The following MUSK variants were observed in gnomAD, a reference collection of about 807,000 sequenced individuals.
MUSK encodes the protein muscle associated receptor tyrosine kinase.
Under a neutral mutation model 88.7 loss-of-function variants are expected in MUSK, and 55 were observed. The observed-to-expected ratio is 0.62, with a 90% CI of 0.50 to 0.78. The LOEUF (loss-of-function observed/expected upper bound fraction) is 0.78, where lower values mean the gene tolerates loss of function less well. Among genes scored for constraint, MUSK ranks in the 30% least tolerant of loss-of-function variants. The pLI is 0.00. For synonymous variants in MUSK, 387 were observed against 391.9 expected, an observed-to-expected ratio of 0.99 and a Z score of 0.15; for missense variants, 1,015 against 1,074.3, an observed-to-expected ratio of 0.94 and a Z score of 0.77.
rs1460955590 is a variant in MUSK at position 110,690,084 on chromosome 9, A to T, written c.358+2816A>T. On this transcript the variant is annotated intron_variant, in intron 3 of 14. Transcript: ENST00000374448. ...ATATTATGTAAGTATAAATATATAA[A>T]TATATATTATATAAGTATAAATATA... is the stretch of plus-strand genomic sequence containing the variant. Among the ~76,000 whole-genome samples, 17 of 97,696 alleles carry T rather than the reference A, an allele frequency of 1.7e-4. 1 individual carries two copies. Among genetic ancestry groups the T allele is most frequent in the Admixed American group, 5.0e-4 (3 of 6,054 alleles). The allele number at this position is 97,696 out of a possible 152,430, so 64.1% of individuals were successfully genotyped here.
At chr9:110,673,320 C>A (rs1249000184) in intron 1 of MUSK, among the ~76,000 whole-genome samples, 1 of 152,130 alleles carries the variant, frequency 6.6e-6, no homozygotes, top group Non-Finnish European at 1.5e-5. Flanking sequence ...TCTATCACTT[C>A]CTATTTTTGT....
rs370936018 is a variant in MUSK, at chr9:110,689,674, T to TATAATATATAACTATATATAGTTATAA, written c.358+2409_358+2410insATATATAACTATATATAGTTATAAATA. On this transcript the variant is annotated intron_variant, in intron 3 of 14. Coordinates refer to ENST00000374448, the MANE Select transcript of MUSK (RefSeq NM_005592.4). ...ATACCATATAATATACATAGTATAT[T>TATAATATATAACTATATATAGTTATAA]ATATATAACTATATATAGTTATATA... Among the ~76,000 whole-genome samples the TATAATATATAACTATATATAGTTATAA allele has an allele frequency of 2.9e-3, 213 of 72,378 alleles. 19 individuals carry two copies. Among genetic ancestry groups the TATAATATATAACTATATATAGTTATAA allele is most frequent in the African/African-American group, 0.013 (209 of 15,556 alleles). 47.5% of individuals were successfully genotyped at this position (72,378 alleles called of 152,430 possible).
At chr9:110,722,644 A>G (rs2076829200) in intron 5 of MUSK, among the ~76,000 whole-genome samples, 1 of 152,088 alleles carries the variant, frequency 6.6e-6, no homozygotes. Flanking sequence ...TTTTGCAAAT[A>G]ATGGATCTGA....
intron 5 of MUSK, among the ~76,000 whole-genome samples, chr9:110,707,336 T>G (rs1194522144): frequency 6.6e-6 from 1 of 152,200 alleles, no homozygotes; most frequent in African/African-American, 2.4e-5. Context: ...CATTTAAAAT[T>G]TATAAATATC....
intron 5 of MUSK, among the ~76,000 whole-genome samples, chr9:110,699,632 T>A (rs567216730): frequency 2.0e-4 from 31 of 151,892 alleles, no homozygotes; most frequent in Admixed American, 6.6e-4. Context: ...AGTTTTTTTT[T>A]AAAAAAAAGC....
In MUSK at chr9:110,789,742, G is replaced by A. The variant is rs538900113; in HGVS notation, c.1927+1904G>A. Reference sequence around the variant, plus strand: ...TGCAGTGAGCCGAGATTGTGCCATTGCACTCCAGCCTGTGTGACAGAGTGA... The same window carrying A: ...TGCAGTGAGCCGAGATTGTGCCATTACACTCCAGCCTGTGTGACAGAGTGA... On this transcript the variant is annotated intron_variant, in intron 14 of 14. Coordinates refer to ENST00000374448, the MANE Select transcript of MUSK (RefSeq NM_005592.4). Among the ~76,000 whole-genome samples, 3 of 152,136 alleles carry A rather than the reference G, an allele frequency of 2.0e-5. No individual in the cohort carries two copies. The East Asian group carries it at 5.8e-4, about 29-fold the overall frequency.
chr9:110,762,143 C>T, intron 7 of MUSK, 59 bp from the exon 8 acceptor site: 8 of 1,298,334 alleles, frequency 6.2e-6, no homozygotes, highest in Non-Finnish European at 7.1e-6. Context: ...AATGTACTAA[C>T]GTTCTTTCTT....
At chr9:110,764,415 T>A (rs1460467503) in intron 8 of MUSK, among the ~76,000 whole-genome samples, 1 of 152,184 alleles carries the variant, frequency 6.6e-6, no homozygotes, top group Non-Finnish European at 1.5e-5. Flanking sequence ...ATTTAGGGGT[T>A]TGAGGGACAA....
intron 5 of MUSK, among the ~76,000 whole-genome samples, chr9:110,709,308 G>T (rs538766014): frequency 2.6e-5 from 4 of 152,126 alleles, no homozygotes; most frequent in Non-Finnish European, 5.9e-5. Flanking sequence ...TTTTGGAGAG[G>T]ACTTAATATA....
chr9:110,768,263 C>T lies in MUSK; in HGVS notation c.1184+180C>T, dbSNP rs145460981. Among the ~76,000 whole-genome samples the T allele has an allele frequency of 2.8e-3, 427 of 152,268 alleles. 4 individuals carry two copies. Among genetic ancestry groups the T allele is most frequent in the African/African-American group, 9.8e-3 (407 of 41,556 alleles). On this transcript the variant is annotated intron_variant, in intron 9 of 14. Transcript: ENST00000374448. ...CTGTAATCCCAGCACTTCGGGAGGC[C>T]GAAGTGGGTGGATCACTTGAGGTCA...
At chr9:110,716,145 AAAAAAAG>A (rs1339700728) in intron 5 of MUSK, among the ~76,000 whole-genome samples, 1 of 150,000 alleles carries the variant, frequency 6.7e-6, no homozygotes, top group Non-Finnish European at 1.5e-5. Context: ...AGTTGGGGGA[AAAAAAAG>A]AAAAAAGAAA....
Position 110,669,650 on chromosome 9 carries a change from A to C in MUSK, c.79+667A>C, listed in dbSNP as rs139179057. ...CAGGGGAAAGGAAAGCAACTTAAGA[A>C]ACTGACAAACACCTGTTGCAGTAGC... On this transcript the variant is annotated intron_variant, in intron 1 of 14. Coordinates refer to ENST00000374448, the MANE Select transcript of MUSK (RefSeq NM_005592.4). Among the ~76,000 whole-genome samples the C allele has an allele frequency of 4.6e-5, 7 of 152,272 alleles. No homozygotes were observed. In the East Asian group the frequency reaches 1.4e-3, roughly 29 times the overall value.
chr9:110,689,761 C>T (rs1384139933), intron 3 of MUSK, among the ~76,000 whole-genome samples: 25 of 15,226 alleles, frequency 1.6e-3, no homozygotes, highest in East Asian at 4.2e-3. Flanking sequence ...TATATATAAA[C>T]TATATATATC....
At chr9:110,757,020 G>A (rs1377653053) in intron 7 of MUSK, among the ~76,000 whole-genome samples, 2 of 151,996 alleles carry the variant, frequency 1.3e-5, no homozygotes, top group African/African-American at 4.8e-5. Flanking sequence ...TGAAAATACT[G>A]GTGTTTTGAT....
At position 110,802,718 on chromosome 9, in the gene MUSK, A is replaced by G. The variant is rs980761508; in HGVS notation, c.*1730A>G. 6.6e-6 allele frequency among the ~76,000 whole-genome samples: 1 copy of G among 152,130 alleles called. No individual in the cohort carries two copies. The highest frequency in any genetic ancestry group is 1.5e-5 in the Non-Finnish European group (1 of 68,028). ...CTTCAACCCAAGAGCCAATGACTCA[A>G]CCTCTACCGTTGCCCACCCTGTCTA... On this transcript the variant is annotated 3_prime_UTR_variant, in exon 15 of 15. Transcript: ENST00000374448.
At chr9:110,762,144 GT>G (rs1411048197) in intron 7 of MUSK, 57 bp from the exon 8 acceptor site, 137 of 1,307,442 alleles carry the variant, frequency 1.0e-4, no homozygotes, top group Non-Finnish European at 1.3e-4. Context: ...ATGTACTAAC[GT>G]TCTTTCTTTT....
In MUSK at chr9:110,750,598, G is replaced by A. The variant is rs138823800; in HGVS notation, c.913+2798G>A. Among the ~76,000 whole-genome samples the A allele has an allele frequency of 3.5e-3, 535 of 152,266 alleles. 5 individuals carry two copies. The highest frequency in any genetic ancestry group is 0.012 in the African/African-American group (481 of 41,546). On this transcript the variant is annotated intron_variant, in intron 7 of 14. Transcript: ENST00000374448. Reference sequence around the variant, plus strand: ...ACTGTGGCCCTGTGGCTGGCCTGCTGAATTCCAACTCAGCTCCTTCAGTAC... The same window carrying A: ...ACTGTGGCCCTGTGGCTGGCCTGCTAAATTCCAACTCAGCTCCTTCAGTAC...
intron 6 of MUSK, among the ~76,000 whole-genome samples, chr9:110,740,657 G>A (rs544296508): frequency 6.6e-6 from 1 of 152,260 alleles, no homozygotes; most frequent in East Asian, 1.9e-4. Context: ...GCATACTGTA[G>A]GCTTTAGAAG....
chr9:110,798,874 G>C (rs954961173), intron 14 of MUSK, among the ~76,000 whole-genome samples: 27 of 152,020 alleles, frequency 1.8e-4, no homozygotes, highest in African/African-American at 6.3e-4. Context: ...GAAATCTTTT[G>C]TATAGTATTT....
Sources: gnomAD v4.1 joint callset for allele counts (sites outside exome capture counted in the v4.1 genomes callset) on GRCh38, gnomAD v4.1.1 for gene constraint, MANE v1.5 for transcripts, NCBI Gene and HGNC (gene_info 2026-07-23, HGNC 2026-07-21) for gene names.